Variants in VGLL4 observed in about 807,000 individuals in gnomAD.
VGLL4 encodes transcription cofactor vestigial-like protein 4.
In VGLL4, 7 loss-of-function variants were observed where a neutral mutation model predicts 21.0. The ratio of observed to expected loss-of-function variants is 0.33; its 90% CI spans 0.19 to 0.63. VGLL4 has a LOEUF of 0.63. VGLL4 is among the 20% of genes least tolerant of loss of function. The probability of loss-of-function intolerance (pLI) is 0.78; values close to 1 mark genes in which losing one functional copy is unlikely to be tolerated. For synonymous variants in VGLL4, 222 were observed against 173.2 expected (o/e 1.28, Z -2.21); for missense variants, 394 against 425.7 (o/e 0.93, Z 0.66).
At chr3:11,591,226 C>G (rs2125244876) in intron 2 of VGLL4, among the ~76,000 whole-genome samples, 1 of 152,340 alleles carries the variant, frequency 6.6e-6, no homozygotes, top group East Asian at 1.9e-4. Flanking sequence ...TCTGCACAGA[C>G]CAATGCACAT....
At chr3:11,591,668 C>T (rs1304833984) in intron 2 of VGLL4, among the ~76,000 whole-genome samples, 2 of 152,234 alleles carry the variant, frequency 1.3e-5, no homozygotes, top group Non-Finnish European at 2.9e-5. Context: ...CAGGTCAGGC[C>T]TGTGACCTTT....
At chr3:11,626,259 G>A (rs989170791) in intron 1 of VGLL4, 15 of 424,288 alleles carry the variant, frequency 3.5e-5, no homozygotes, top group Middle Eastern at 3.4e-4. Context: ...AATCAAATAC[G>A]GAAAGGAAAT....
intron 2 of VGLL4, among the ~76,000 whole-genome samples, chr3:11,569,105 T>C (rs527451364): frequency 8.4e-4 from 128 of 152,298 alleles, no homozygotes; most frequent in African/African-American, 2.7e-3. Context: ...AGCAGTGACA[T>C]TGAAAGAATC....
intron 2 of VGLL4, among the ~76,000 whole-genome samples, chr3:11,591,437 T>TGTC (rs1298258084): frequency 5.9e-5 from 9 of 152,212 alleles, no homozygotes; most frequent in Non-Finnish European, 1.5e-5. Context: ...CTTCATTCTG[T>TGTC]GTCGTCGTTT....
chr3:11,620,379 G>A (rs903811901), intron 1 of VGLL4, among the ~76,000 whole-genome samples: 5 of 152,178 alleles, frequency 3.3e-5, no homozygotes, highest in Admixed American at 6.5e-5. Flanking sequence ...GGCACAGCCT[G>A]AGGGGGCAAC....
At chr3:11,587,854 G>GA (rs2074395336) in intron 2 of VGLL4, among the ~76,000 whole-genome samples, 1 of 152,126 alleles carries the variant, frequency 6.6e-6, no homozygotes, top group African/African-American at 2.4e-5. Flanking sequence ...AAACCTGGGG[G>GA]GCTTCTTACT....
At chr3:11,622,833 T>C (rs2075289509) in intron 1 of VGLL4, among the ~76,000 whole-genome samples, 2 of 152,188 alleles carry the variant, frequency 1.3e-5, no homozygotes, top group African/African-American at 4.8e-5. Context: ...CTCTGTCAAA[T>C]CAGAGAGACA....
chr3:11,687,562 A>G (rs951123931), intron 2 of VGLL4, among the ~76,000 whole-genome samples: 2 of 152,104 alleles, frequency 1.3e-5, no homozygotes, highest in East Asian at 1.9e-4. Context: ...CTCCCACTTC[A>G]GCCTCCCACA....
At chr3:11,649,078 C>T (rs2075833062) in intron 2 of VGLL4, among the ~76,000 whole-genome samples, 2 of 152,286 alleles carry the variant, frequency 1.3e-5, no homozygotes, top group African/African-American at 2.4e-5. Flanking sequence ...GCTTATCATA[C>T]AGCTATGTGT....
At chr3:11,699,026 G>A (rs892734576) in intron 2 of VGLL4, among the ~76,000 whole-genome samples, 1 of 152,198 alleles carries the variant, frequency 6.6e-6, no homozygotes, top group African/African-American at 2.4e-5. Context: ...TTTGTAATAA[G>A]AGGCCCAAAT....
intron 1 of VGLL4, among the ~76,000 whole-genome samples, chr3:11,639,355 C>G (rs907033318): frequency 1.3e-5 from 2 of 152,246 alleles, no homozygotes; most frequent in Non-Finnish European, 2.9e-5. Flanking sequence ...CAGAGCAGCA[C>G]GAAGAGCACC....
At chr3:11,598,223 C>T (rs13315321) in intron 2 of VGLL4, among the ~76,000 whole-genome samples, 6 of 151,842 alleles carry the variant, frequency 4.0e-5, no homozygotes, top group African/African-American at 1.5e-4. Flanking sequence ...GACAGGGTTT[C>T]ACCATATTGA....
intron 2 of VGLL4, among the ~76,000 whole-genome samples, chr3:11,676,413 A>ATAATAATAATAAT (rs1553742911): frequency 6.4e-5 from 3 of 46,914 alleles, no homozygotes; most frequent in African/African-American, 1.5e-4. Flanking sequence ...AAAAAAAATA[A>ATAATAATAATAAT]AATAATAATA....
intron 2 of VGLL4, among the ~76,000 whole-genome samples, chr3:11,694,558 G>A (rs991703106): frequency 2.6e-5 from 4 of 151,882 alleles, no homozygotes; most frequent in East Asian, 3.9e-4. Flanking sequence ...TAGGGCAGAG[G>A]TTGCAGTAAG....
chr3:11,673,157 C>G (rs1382611206), intron 2 of VGLL4, among the ~76,000 whole-genome samples: 1 of 152,076 alleles, frequency 6.6e-6, no homozygotes, highest in Non-Finnish European at 1.5e-5. Flanking sequence ...AACCAGATAT[C>G]TGAGGAAAGC....
chr3:11,689,279 C>T (rs1157996396), intron 2 of VGLL4, among the ~76,000 whole-genome samples: 1 of 152,130 alleles, frequency 6.6e-6, no homozygotes, highest in Non-Finnish European at 1.5e-5. Context: ...GCATCTGATG[C>T]ATGTTAAGAC....
At chr3:11,584,106 A>G (rs774256151) in intron 2 of VGLL4, among the ~76,000 whole-genome samples, 11 of 152,278 alleles carry the variant, frequency 7.2e-5, no homozygotes, top group South Asian at 4.1e-4. Flanking sequence ...TTAAAAATCT[A>G]TATTTCAAAA....
At chr3:11,707,789 G>T (rs1455965928) in intron 1 of VGLL4, among the ~76,000 whole-genome samples, 1 of 152,108 alleles carries the variant, frequency 6.6e-6, no homozygotes, top group Non-Finnish European at 1.5e-5. Context: ...AAGCCAGGAG[G>T]TCGATGCTGC....
intron 2 of VGLL4, among the ~76,000 whole-genome samples, chr3:11,686,082 G>A (rs948895429): frequency 1.3e-5 from 2 of 152,258 alleles, no homozygotes; most frequent in South Asian, 2.1e-4. Context: ...TTGTGTATGG[G>A]AATGTAAAAT....
Sources: gnomAD v4.1 joint callset for allele counts (sites outside exome capture counted in the v4.1 genomes callset) on GRCh38, gnomAD v4.1.1 for gene constraint, MANE v1.5 for transcripts, NCBI Gene and HGNC (gene_info 2026-07-23, HGNC 2026-07-21) for gene names.